The following SMURF2 variants were observed in gnomAD, a reference collection of about 807,000 sequenced individuals.
SMURF2 encodes the protein SMAD specific E3 ubiquitin protein ligase 2.
SMURF2 carries 48 observed loss-of-function variants against 109.6 expected under a neutral mutation model. The ratio of observed to expected loss-of-function variants is 0.44; its 90% CI spans 0.35 to 0.56. The LOEUF is 0.56. Among genes scored for constraint, SMURF2 ranks in the 20% least tolerant of loss-of-function variants. The pLI, the probability that SMURF2 is intolerant of heterozygous loss-of-function variation, is 0.01. For synonymous variants in SMURF2, 288 were observed against 317.1 expected (o/e 0.91, Z 0.97); for missense variants, 575 against 909.0 (o/e 0.63, Z 4.72).
chr17:64,578,536 A>G lies in SMURF2; in HGVS notation c.813T>C (p.His271=). The change falls in exon 9 of 19, where the codon CAT becomes CAC. Residue 271 remains histidine (H), a synonymous_variant. Coordinates refer to ENST00000262435, the MANE Select transcript of SMURF2 (RefSeq NM_022739.4). ...TTQQGQVYFL[H]TQTGVSTWHD... ...GCCATGTGCTCACACCAGTCTGTGT[A>G]TGTAAGAAATACACCTGGCCTTGTT... The G allele has an allele frequency of 6.2e-7, 1 of 1,613,994 alleles. No homozygotes were observed. Among genetic ancestry groups the G allele is most frequent in the East Asian group, 2.2e-5 (1 of 44,874 alleles).
chr17:64,661,075 AC>A (rs550347856), intron 1 of SMURF2, among the ~76,000 whole-genome samples: 7 of 150,998 alleles, frequency 4.6e-5, no homozygotes, highest in Non-Finnish European at 5.9e-5. Context: ...TTAGCAATGC[AC>A]CCCCCCCAAA....
intron 1 of SMURF2, among the ~76,000 whole-genome samples, chr17:64,646,840 G>A (rs1555693013): frequency 6.6e-6 from 1 of 152,230 alleles, no homozygotes; most frequent in East Asian, 1.9e-4. Context: ...CTCTGGTGGT[G>A]TGGAAGGCCT....
At chr17:64,656,953 A>C (rs1006814072) in intron 1 of SMURF2, among the ~76,000 whole-genome samples, 4 of 152,166 alleles carry the variant, frequency 2.6e-5, no homozygotes, top group African/African-American at 9.7e-5. Context: ...GTAAGGTCCA[A>C]ACTAGGTTGG....
chr17:64,598,614 AAATG>A (rs1969850373), intron 2 of SMURF2, 124 bp from the exon 3 acceptor site: 5 of 674,044 alleles, frequency 7.4e-6, no homozygotes, highest in Middle Eastern at 4.5e-4. Flanking sequence ...ATTTAGCTAT[AAATG>A]AATAGTCCAT....
intron 1 of SMURF2, among the ~76,000 whole-genome samples, chr17:64,631,328 C>CAGAGAGAGAGAGACAGAGAGAGAG (rs1970346186): frequency 1.5e-5 from 1 of 65,022 alleles, no homozygotes; most frequent in African/African-American, 6.8e-5. Flanking sequence ...GAGAGAGAGA[C>CAGAGAGAGAGAGACAGAGAGAGAG]AGAGAGAGAG....
At chr17:64,625,890 G>A (rs901059116) in intron 1 of SMURF2, among the ~76,000 whole-genome samples, 1 of 152,096 alleles carries the variant, frequency 6.6e-6, no homozygotes, top group Non-Finnish European at 1.5e-5. Context: ...TATGTACTTA[G>A]ACAATACACA....
intron 18 of SMURF2, 36 bp downstream of exon 18, chr17:64,546,227 C>T (rs781859387): frequency 5.2e-5 from 83 of 1,592,444 alleles, no homozygotes; most frequent in Non-Finnish European, 6.6e-5. Context: ...CACTTATGTA[C>T]ATGGAATGGG....
At chr17:64,556,756 C>T (rs1555684074) in intron 13 of SMURF2, among the ~76,000 whole-genome samples, 2 of 152,114 alleles carry the variant, frequency 1.3e-5, no homozygotes, top group Non-Finnish European at 2.9e-5. Context: ...TTTGGTCTTT[C>T]GTCACAGATT....
At chr17:64,599,998 G>A (rs1236661041) in intron 2 of SMURF2, among the ~76,000 whole-genome samples, 1 of 152,182 alleles carries the variant, frequency 6.6e-6, no homozygotes, top group Non-Finnish European at 1.5e-5. Context: ...TCGGGCAACA[G>A]GGCTTGGACT....
At chr17:64,629,497 C>T (rs1161496298) in intron 1 of SMURF2, among the ~76,000 whole-genome samples, 1 of 152,154 alleles carries the variant, frequency 6.6e-6, no homozygotes, top group Non-Finnish European at 1.5e-5. Context: ...GAGAGAGACC[C>T]TGTCTCTAAG....
intron 1 of SMURF2, among the ~76,000 whole-genome samples, chr17:64,654,889 C>T (rs905408374): frequency 1.3e-5 from 2 of 151,870 alleles, no homozygotes; most frequent in African/African-American, 4.8e-5. Flanking sequence ...GTTGCCCAGG[C>T]TGGTCTCGAA....
intron 10 of SMURF2, among the ~76,000 whole-genome samples, chr17:64,566,568 T>TG (rs1568176793): frequency 2.5e-4 from 20 of 79,040 alleles, no homozygotes; most frequent in Non-Finnish European, 4.4e-4. Flanking sequence ...CTGGTTTTTT[T>TG]TTTTTTTTTT....
intron 9 of SMURF2, among the ~76,000 whole-genome samples, chr17:64,577,172 C>T (rs1418735586): frequency 6.6e-6 from 1 of 152,012 alleles, no homozygotes; most frequent in Non-Finnish European, 1.5e-5. Flanking sequence ...AAATGTCCAT[C>T]AATGATAGAC....
At chr17:64,647,169 T>C (rs1485724103) in intron 1 of SMURF2, among the ~76,000 whole-genome samples, 1 of 152,162 alleles carries the variant, frequency 6.6e-6, no homozygotes, top group African/African-American at 2.4e-5. Context: ...AAATGTTTAC[T>C]GAATGAATAT....
At chr17:64,612,130 A>C (rs1167599851) in intron 1 of SMURF2, among the ~76,000 whole-genome samples, 1 of 152,094 alleles carries the variant, frequency 6.6e-6, no homozygotes, top group Non-Finnish European at 1.5e-5. Context: ...AACACTTATC[A>C]CATTTTACTG....
intron 1 of SMURF2, among the ~76,000 whole-genome samples, chr17:64,650,025 A>G (rs1341785791): frequency 6.6e-6 from 1 of 152,090 alleles, no homozygotes; most frequent in Admixed American, 6.6e-5. Flanking sequence ...AAATAAATAT[A>G]TATTAATCAT....
chr17:64,566,561 G>GTTTTTTTTTTTGTTTTTTTTTTTT (rs1969306803), intron 10 of SMURF2, among the ~76,000 whole-genome samples: 1 of 43,784 alleles, frequency 2.3e-5, no homozygotes, highest in East Asian at 9.0e-4. Context: ...AAGCTTTCTG[G>GTTTTTTTTTTTGTTTTTTTTTTTT]TTTTTTTTTT....
At chr17:64,567,527 A>C (rs1487883192) in intron 10 of SMURF2, among the ~76,000 whole-genome samples, 1 of 152,228 alleles carries the variant, frequency 6.6e-6, no homozygotes, top group East Asian at 1.9e-4. Flanking sequence ...TGTTCTACTG[A>C]AATATTCTAC....
At chr17:64,659,592 G>A (rs558739239) in intron 1 of SMURF2, among the ~76,000 whole-genome samples, 1 of 150,022 alleles carries the variant, frequency 6.7e-6, no homozygotes, top group African/African-American at 2.5e-5. Flanking sequence ...GATGGACTGA[G>A]AAGTTGGGCA....
Sources: gnomAD v4.1 joint callset for allele counts (sites outside exome capture counted in the v4.1 genomes callset) on GRCh38, gnomAD v4.1.1 for gene constraint, MANE v1.5 for transcripts, NCBI Gene and HGNC (gene_info 2026-07-23, HGNC 2026-07-21) for gene names.